Variants in URB1 observed in about 807,000 individuals in gnomAD.
URB1 encodes nucleolar pre-ribosomal-associated protein 1.
A neutral mutation model predicts 242.3 loss-of-function variants in URB1; 197 were observed. The observed-to-expected ratio is 0.81, with a 90% confidence interval of 0.72 to 0.91. The LOEUF is 0.91. Among genes scored for constraint, URB1 ranks in the 40% least tolerant of loss-of-function variants. The pLI, the probability that URB1 is intolerant of heterozygous loss-of-function variation, is 0.00. For missense variants in URB1, 2,721 were observed against 2,860.5 expected (o/e 0.95, Z 1.11); for synonymous variants, 1,153 against 1,201.8 (o/e 0.96, Z 0.84).
intron 5 of URB1, among the ~76,000 whole-genome samples, chr21:32,376,979 C>G (rs140505747): frequency 6.6e-6 from 1 of 152,072 alleles, no homozygotes; most frequent in Non-Finnish European, 1.5e-5. Context: ...TATTTTTAAT[C>G]GCTGCATTCC....
At chr21:32,388,094 G>A (rs1203076024) in intron 1 of URB1, among the ~76,000 whole-genome samples, 2 of 152,156 alleles carry the variant, frequency 1.3e-5, no homozygotes, top group East Asian at 3.9e-4. Flanking sequence ...CATCTGCCGG[G>A]GACGCATGAG....
chr21:32,383,446 G>A lies in URB1; in HGVS notation c.543C>T (p.Thr181=). Residue 181 remains threonine (T), a synonymous_variant, in exon 4 of 39, where the codon ACC becomes ACT. Coordinates refer to ENST00000382751, the MANE Select transcript of URB1 (RefSeq NM_014825.3). ...CCTTTGAATCCCTCTTGGTCACCAG[G>A]GTGTACAGGGTCTTTTTATTCAAAT... The part of the protein sequence containing the change: ...HFDLNKKTLY[T]LVTKRDSKGV... The A allele has an allele frequency of 1.9e-6, 3 of 1,551,524 alleles. No individual in the cohort carries two copies. The highest frequency in any genetic ancestry group is 1.7e-6 in the Non-Finnish European group (2 of 1,146,884).
At chr21:32,358,024 A>G (rs575082477) in intron 14 of URB1, among the ~76,000 whole-genome samples, 2 of 152,322 alleles carry the variant, frequency 1.3e-5, no homozygotes, top group African/African-American at 4.8e-5. Context: ...GTGAGACTTC[A>G]TCTCCAAAAA....
intron 19 of URB1, among the ~76,000 whole-genome samples, chr21:32,351,781 A>G (rs1320840055): frequency 6.6e-6 from 1 of 152,242 alleles, no homozygotes; most frequent in East Asian, 1.9e-4. Flanking sequence ...ATACTGCCAC[A>G]TAAGTTGCTG....
rs1175522735 is a variant in URB1, at chr21:32,368,099, GCT to G, written c.1197+302_1197+303del. ...ACTTATTTTTTTGAGATGGAGTCTC[GCT>G]CTGTCACCCAGGCTGGAGTGCAGTG... On this transcript the variant is annotated intron_variant, in intron 9 of 38. Transcript: ENST00000382751. Among the ~76,000 whole-genome samples the G allele has an allele frequency of 2.6e-5, 4 of 151,998 alleles. No individual in the cohort carries two copies. The East Asian group carries it at 7.7e-4, about 29-fold the overall frequency.
intron 5 of URB1, among the ~76,000 whole-genome samples, chr21:32,376,137 A>C (rs969784526): frequency 4.6e-5 from 7 of 152,222 alleles, no homozygotes; most frequent in African/African-American, 1.4e-4. Context: ...GGTATAACAA[A>C]CTAATACAAT....
chr21:32,375,992 A>C (rs2033455248), intron 5 of URB1, among the ~76,000 whole-genome samples: 1 of 152,140 alleles, frequency 6.6e-6, no homozygotes, highest in Non-Finnish European at 1.5e-5. Flanking sequence ...AAAAGGAAGA[A>C]AGAAAAGAAA....
At chr21:32,336,986 T>C (rs922371697) in intron 28 of URB1, 108 bp downstream of exon 28, 33 of 1,164,162 alleles carry the variant, frequency 2.8e-5, no homozygotes, top group Non-Finnish European at 3.9e-5. Flanking sequence ...GCCTCACTCT[T>C]TCCCTGAGAA....
Position 32,333,388 on chromosome 21 carries a change from C to G in URB1, c.4889G>C (p.Ser1630Thr). 1 of 1,551,686 alleles carries G rather than the reference C, an allele frequency of 6.4e-7. No individual in the cohort carries two copies. Among genetic ancestry groups the G allele is most frequent in the East Asian group, 2.4e-5 (1 of 40,906 alleles). Residue 1630 changes from serine to threonine, a missense_variant, in exon 30 of 39, where the codon AGC (serine) becomes ACC (threonine). By Grantham distance (58) the Ser-to-Thr change is moderately conservative. Transcript: ENST00000382751. ...ATAGAGGCCATCAAGATCCACCCTG[C>G]TTTTGTCTTTGAATATCAGCTCCTG... is the stretch of plus-strand genomic sequence containing the variant. ...DTQELIFKDK[S>T]RVDLDGLYDP...
chr21:32,342,088 C>A (rs199942606), intron 24 of URB1, among the ~76,000 whole-genome samples: 1 of 151,980 alleles, frequency 6.6e-6, no homozygotes, highest in East Asian at 1.9e-4. Context: ...GCTAGTAGCT[C>A]TGACATTTTA....
At position 32,377,795 on chromosome 21, in the gene URB1, A is replaced by G. The variant is rs1181467231; in HGVS notation, c.664+650T>C. Among the ~76,000 whole-genome samples, 7 of 152,178 alleles carry G rather than the reference A, an allele frequency of 4.6e-5. No homozygotes were observed. In the South Asian group the frequency reaches 1.4e-3, roughly 32 times the overall value. ...CTGCTACTCCTCCTCAATAACTCCC[A>G]GAGTTCCGGCCAGGACATGGGACTG... On this transcript the variant is annotated intron_variant, in intron 5 of 38. Coordinates refer to ENST00000382751, the MANE Select transcript of URB1 (RefSeq NM_014825.3).
rs2123579539 is a variant in URB1, at chr21:32,347,705, A to T, written c.3119T>A (p.Leu1040His). 6.4e-7 allele frequency: 1 copy of T among 1,551,212 alleles called. No individual in the cohort carries two copies. The highest frequency in any genetic ancestry group is 2.4e-5 in the East Asian group (1 of 40,910). Residue 1040 changes from leucine (L) to histidine (H), a missense_variant, in exon 22 of 39, where the codon CTC (leucine) becomes CAC (histidine). Coordinates refer to ENST00000382751, the MANE Select transcript of URB1 (RefSeq NM_014825.3). ...AAAGTGGGTGGCCAGGAGCTTCACG[A>T]GGACAGGGCTGAGCGTGTGCGGCGG... ...ALPPHTLSPV[L>H]VKLLATHFSA...
At chr21:32,318,857 TTTTC>T (rs777135712) in intron 36 of URB1, among the ~76,000 whole-genome samples, 24 of 152,188 alleles carry the variant, frequency 1.6e-4, no homozygotes, top group Non-Finnish European at 3.5e-4. Flanking sequence ...ACAGAAAATA[TTTTC>T]TTTCTAAGAA....
At chr21:32,337,188 G>A (rs1165289268) in intron 27 of URB1, 31 bp from the exon 28 acceptor site, 12 of 1,550,352 alleles carry the variant, frequency 7.7e-6, no homozygotes, top group Non-Finnish European at 9.6e-6. Context: ...GGTTTAGGAA[G>A]ATGAACCCCT....
intron 14 of URB1, among the ~76,000 whole-genome samples, chr21:32,359,158 T>C (rs1396819249): frequency 3.3e-5 from 5 of 152,222 alleles, no homozygotes; most frequent in Admixed American, 3.3e-4. Context: ...CATTAAAAAG[T>C]ACATCAGCTC....
chr21:32,343,799 C>T (rs1055132169), intron 24 of URB1, among the ~76,000 whole-genome samples: 7 of 151,794 alleles, frequency 4.6e-5, no homozygotes, highest in South Asian at 2.1e-4. Flanking sequence ...CTACAGACCA[C>T]GAAGCTCACT....
chr21:32,311,872 C>A lies in URB1; in HGVS notation c.*3046G>T. On this transcript the variant is annotated 3_prime_UTR_variant, in exon 39 of 39. Transcript: ENST00000382751. Reference sequence around the variant, plus strand: ...CGACAGGAGAGCTCCTCCACCTTGCCCCTCGGGGGTTTCCAGACCCACCCC... The same window carrying A: ...CGACAGGAGAGCTCCTCCACCTTGCACCTCGGGGGTTTCCAGACCCACCCC... 6.2e-7 allele frequency: 1 copy of A among 1,614,120 alleles called. No homozygotes were observed. The highest frequency in any genetic ancestry group is 8.5e-7 in the Non-Finnish European group (1 of 1,180,052).
At position 32,363,042 on chromosome 21, in the gene URB1, T is replaced by C; in HGVS notation, c.1509+114A>G. The stretch of plus-strand genomic sequence containing the variant: ...CGCTACCACACTGCCCACCGGCCTG[T>C]CCAACCCTGCGGCTCCAAGGACACA... On this transcript the variant is annotated intron_variant, in intron 11 of 38. Transcript: ENST00000382751. The C allele has an allele frequency of 2.2e-6, 3 of 1,372,904 alleles. No individual in the cohort carries two copies. The Middle Eastern group carries it at 7.9e-4, about 360-fold the overall frequency. The allele number at this position is 1,372,904 out of a possible 1,614,324, so 85.0% of individuals were successfully genotyped here. A position where few individuals can be genotyped will look rare whatever the true frequency, so the allele number is the denominator to read the frequency against.
At chr21:32,385,184 T>C (rs1404752477) in intron 2 of URB1, among the ~76,000 whole-genome samples, 1 of 152,204 alleles carries the variant, frequency 6.6e-6, no homozygotes, top group East Asian at 1.9e-4. Context: ...ATGTTCAATC[T>C]CTTTGGAATC....
Sources: gnomAD v4.1 joint callset for allele counts (sites outside exome capture counted in the v4.1 genomes callset) on GRCh38, gnomAD v4.1.1 for gene constraint, MANE v1.5 for transcripts, NCBI Gene and HGNC (gene_info 2026-07-23, HGNC 2026-07-21) for gene names.